Variants in ELL observed in about 807,000 individuals in gnomAD.
ELL encodes the protein RNA polymerase II elongation factor ELL.
ELL carries 18 observed loss-of-function variants against 64.0 expected under a neutral mutation model. The ratio of observed to expected loss-of-function variants is 0.28; its 90% confidence interval spans 0.19 to 0.42. The LOEUF (loss-of-function observed/expected upper bound fraction) is 0.42, where lower values mean the gene tolerates loss of function less well. Among genes scored for constraint, ELL ranks in the 10% least tolerant of loss-of-function variants. ELL has a pLI of 1.00. For missense variants in ELL, 797 were observed against 870.4 expected (o/e 0.92, Z 1.06); for synonymous variants, 399 against 376.2 (o/e 1.06, Z -0.70).
intron 1 of ELL, among the ~76,000 whole-genome samples, chr19:18,497,909 G>A (rs1022336922): frequency 4.7e-5 from 7 of 149,162 alleles, no homozygotes; most frequent in East Asian, 2.0e-4. Flanking sequence ...AGAGCAGATC[G>A]CCTGAGGTCG....
At chr19:18,462,888 T>G (rs918000653) in intron 4 of ELL, among the ~76,000 whole-genome samples, 1 of 152,162 alleles carries the variant, frequency 6.6e-6, no homozygotes, top group Non-Finnish European at 1.5e-5. Context: ...ACCCCAGCCT[T>G]AGGCCTGGTC....
intron 1 of ELL, among the ~76,000 whole-genome samples, chr19:18,506,465 G>A (rs888429873): frequency 6.6e-5 from 10 of 152,246 alleles, no homozygotes; most frequent in East Asian, 3.9e-4. Context: ...CATGGCTCAC[G>A]CCTGTAAGCC....
chr19:18,458,129 C>A (rs1974720578), intron 6 of ELL, 76 bp downstream of exon 6: 1 of 1,577,894 alleles, frequency 6.3e-7, no homozygotes, highest in South Asian at 1.2e-5. Flanking sequence ...CACAAGACCA[C>A]CCCAGCATCC....
At chr19:18,480,015 C>G (rs922379593) in intron 1 of ELL, among the ~76,000 whole-genome samples, 5 of 152,200 alleles carry the variant, frequency 3.3e-5, no homozygotes, top group African/African-American at 9.7e-5. Flanking sequence ...TGCCACCCCA[C>G]CCCTGATGCA....
intron 1 of ELL, among the ~76,000 whole-genome samples, chr19:18,491,292 T>A (rs924502650): frequency 9.4e-6 from 1 of 106,550 alleles, no homozygotes; most frequent in African/African-American, 3.4e-5. Context: ...TTTTTTTTTT[T>A]AGTAGAGATG....
chr19:18,512,417 C>T (rs909894695), intron 1 of ELL, among the ~76,000 whole-genome samples: 2 of 152,142 alleles, frequency 1.3e-5, no homozygotes, highest in Non-Finnish European at 2.9e-5. Flanking sequence ...GCGGGCAGGT[C>T]GCTTCAGCTC....
At chr19:18,456,097 C>CAA (rs111754388) in intron 6 of ELL, among the ~76,000 whole-genome samples, 28 of 98,836 alleles carry the variant, frequency 2.8e-4, no homozygotes, top group Admixed American at 1.9e-3. Context: ...AACTCCATCA[C>CAA]AAAAAAAAAA....
At chr19:18,466,248 A>G (rs1242892215) in intron 2 of ELL, among the ~76,000 whole-genome samples, 2 of 152,180 alleles carry the variant, frequency 1.3e-5, no homozygotes. Flanking sequence ...GACCCCTGGA[A>G]AGTGGTTTGT....
rs986459843 is a variant in ELL, at chr19:18,477,548, C to G, written c.136-4666G>C. Among the ~76,000 whole-genome samples, 8 of 152,336 alleles carry G rather than the reference C, an allele frequency of 5.3e-5. No homozygotes were observed. In the Middle Eastern group the frequency reaches 0.01, roughly 194 times the overall value. On this transcript the variant is annotated intron_variant, in intron 1 of 11. Transcript: ENST00000262809. ...CATGAGCAAATCAGCACAGCCACAA[C>G]AGTCGCCCCAAGTGCCGAGGTGCCG...
chr19:18,455,296 G>T (rs1235919261), intron 6 of ELL, among the ~76,000 whole-genome samples: 4 of 151,218 alleles, frequency 2.6e-5, no homozygotes, highest in Non-Finnish European at 4.4e-5. Flanking sequence ...TTCCAGACCA[G>T]CCTGGCCAAG....
intron 2 of ELL, among the ~76,000 whole-genome samples, chr19:18,470,572 T>A (rs1485980347): frequency 6.6e-6 from 1 of 152,180 alleles, no homozygotes; most frequent in Non-Finnish European, 1.5e-5. Flanking sequence ...CTGATGGAAG[T>A]GTGGGGTTGT....
chr19:18,486,405 T>C (rs957069381), intron 1 of ELL, among the ~76,000 whole-genome samples: 2 of 151,968 alleles, frequency 1.3e-5, no homozygotes, highest in African/African-American at 2.4e-5. Flanking sequence ...GTCCTGGGAG[T>C]GTCCACTGTG....
chr19:18,514,100 A>T (rs1017607428), intron 1 of ELL, among the ~76,000 whole-genome samples: 4 of 152,132 alleles, frequency 2.6e-5, no homozygotes, highest in Non-Finnish European at 1.5e-5. Flanking sequence ...TATAATTAGC[A>T]TCAGACTCTG....
At position 18,472,927 on chromosome 19, in the gene ELL, TAA is replaced by T. The variant is rs766094520; in HGVS notation, c.136-47_136-46del. 6 of 1,386,136 alleles carry T rather than the reference TAA, an allele frequency of 4.3e-6. No homozygotes were observed. The African/African-American group carries it at 1.3e-4, about 29-fold the overall frequency. 85.9% of individuals were successfully genotyped at this position (1,386,136 alleles called of 1,614,324 possible). A position where few individuals can be genotyped will look rare whatever the true frequency, so the allele number is the denominator to read the frequency against. On this transcript the variant is annotated intron_variant, in intron 1 of 11. Coordinates refer to ENST00000262809, the MANE Select transcript of ELL (RefSeq NM_006532.4). ...AAAAAAAAGGTGAGGGGAACATCAA[TAA>T]AGACATTGGGAAACCCAAAGACTCC...
chr19:18,503,815 G>A (rs1226389687), intron 1 of ELL, among the ~76,000 whole-genome samples: 1 of 152,196 alleles, frequency 6.6e-6, no homozygotes, highest in Non-Finnish European at 1.5e-5. Context: ...CCCTGCTGCA[G>A]GCTGGATGAG....
intron 1 of ELL, chr19:18,473,089 G>A (rs980541443): frequency 1.5e-6 from 1 of 674,918 alleles, no homozygotes; most frequent in African/African-American, 1.8e-5. Context: ...TCCTCAGATG[G>A]ACAGAGGGCT....
chr19:18,473,022 C>G (rs764645191), intron 1 of ELL, 140 bp from the exon 2 acceptor site: 14 of 1,053,756 alleles, frequency 1.3e-5, no homozygotes, highest in Non-Finnish European at 1.8e-5. Context: ...AATGCACACA[C>G]TCTGAAAATT....
chr19:18,450,890 G>T lies in ELL; in HGVS notation c.1052C>A (p.Ala351Asp). The T allele has an allele frequency of 6.4e-7, 1 of 1,572,380 alleles. No individual in the cohort carries two copies. The highest frequency in any genetic ancestry group is 8.6e-7 in the Non-Finnish European group (1 of 1,159,056). Residue 351 changes from alanine (A) to aspartate (D), a missense_variant, in exon 8 of 12, where the codon GCC becomes GAC. Transcript: ENST00000262809. ...GGGCACGCCCAGCTTCCCGTTGACGGCAGGCTGAGCTCTCTGAGTGAAGTG... is the reference window on the plus strand; with the variant it reads ...GGGCACGCCCAGCTTCCCGTTGACGTCAGGCTGAGCTCTCTGAGTGAAGTG... ...ISHFTQRAQPAVNGKLGVPNG... is the reference protein window; with the variant it reads ...ISHFTQRAQPDVNGKLGVPNG...
In ELL at chr19:18,442,890, T is replaced by C. The variant is rs1974324175; in HGVS notation, c.*1862A>G. On this transcript the variant is annotated 3_prime_UTR_variant, in exon 12 of 12. Coordinates refer to ENST00000262809, the MANE Select transcript of ELL (RefSeq NM_006532.4). ...AACATTAAAAGAAAAAAAAATAGTA[T>C]CAATAAGTTAGACCATATTTAATCA... The C allele has an allele frequency of 4.4e-6, 1 of 228,050 alleles. No individual in the cohort carries two copies. Among genetic ancestry groups the C allele is most frequent in the Non-Finnish European group, 8.7e-6 (1 of 114,650 alleles). 14.1% of individuals were successfully genotyped at this position (228,050 alleles called of 1,614,324 possible).
Sources: gnomAD v4.1 joint callset for allele counts (sites outside exome capture counted in the v4.1 genomes callset) on GRCh38, gnomAD v4.1.1 for gene constraint, MANE v1.5 for transcripts, NCBI Gene and HGNC (gene_info 2026-07-23, HGNC 2026-07-21) for gene names.